The following AFG2A variants were observed in gnomAD, a reference collection of about 807,000 sequenced individuals.
AFG2A encodes the protein ATPase family gene 2 protein homolog A.
the AFG2A span, among the ~76,000 whole-genome samples, chr4:122,928,839 TCATGAGCC>T: frequency 3.3e-5 from 5 of 152,358 alleles, no homozygotes; most frequent in South Asian, 1.0e-3. Flanking sequence ...AGTTTATTTT[TCATGAGCC>T]CATGTAGTAT....
At chr4:123,125,290 G>C in the AFG2A span, among the ~76,000 whole-genome samples, 1 of 152,110 alleles carries the variant, frequency 6.6e-6, no homozygotes, top group East Asian at 1.9e-4. Context: ...TCTTCTTTCA[G>C]GGCTTCCAGA....
chr4:123,054,075 C>T, the AFG2A span, among the ~76,000 whole-genome samples: 2 of 152,142 alleles, frequency 1.3e-5, no homozygotes, highest in African/African-American at 4.8e-5. Context: ...GCTTTTCTGC[C>T]AAGGCATTAG....
the AFG2A span, among the ~76,000 whole-genome samples, chr4:123,155,748 G>A: frequency 0.15 from 22,221 of 152,114 alleles, 2,087 homozygotes; most frequent in East Asian, 0.45. Flanking sequence ...TAAGAGACTT[G>A]AACATCCTCA....
the AFG2A span, among the ~76,000 whole-genome samples, chr4:123,012,292 G>A: frequency 3.5e-5 from 5 of 144,780 alleles, no homozygotes; most frequent in South Asian, 9.1e-4. Context: ...AGGGGTGGGG[G>A]TGCTTGTCCC....
chr4:122,956,999 GCC>G, the AFG2A span, among the ~76,000 whole-genome samples: 4 of 152,184 alleles, frequency 2.6e-5, no homozygotes, highest in Non-Finnish European at 4.4e-5. Flanking sequence ...CAGGTTCTAT[GCC>G]TTATCTGAGC....
chr4:123,233,335 G>A, the AFG2A span, among the ~76,000 whole-genome samples: 5 of 151,850 alleles, frequency 3.3e-5, no homozygotes, highest in African/African-American at 1.2e-4. Flanking sequence ...GAAAGTTTGA[G>A]ATTATACAGC....
the AFG2A span, among the ~76,000 whole-genome samples, chr4:123,072,051 A>T: frequency 3.9e-5 from 6 of 152,318 alleles, no homozygotes; most frequent in South Asian, 2.1e-4. Flanking sequence ...CAAAATTTTT[A>T]AAAATTATTT....
the AFG2A span, among the ~76,000 whole-genome samples, chr4:122,937,096 G>T: frequency 6.6e-6 from 1 of 152,152 alleles, no homozygotes; most frequent in African/African-American, 2.4e-5. Context: ...GCTGTAGTGA[G>T]CCATGATTTC....
chr4:123,247,406 CT>C, the AFG2A span, among the ~76,000 whole-genome samples: 1 of 151,926 alleles, frequency 6.6e-6, no homozygotes, highest in Non-Finnish European at 1.5e-5. Flanking sequence ...TTAACAGAGC[CT>C]ATTGCTTATT....
At chr4:123,070,969 A>G in the AFG2A span, among the ~76,000 whole-genome samples, 3 of 152,212 alleles carry the variant, frequency 2.0e-5, no homozygotes, top group African/African-American at 7.2e-5. Flanking sequence ...CTGTGATATT[A>G]GGAAAATGGC....
chr4:123,289,649 C>T, the AFG2A span, among the ~76,000 whole-genome samples: 2 of 152,122 alleles, frequency 1.3e-5, no homozygotes, highest in African/African-American at 4.8e-5. Context: ...TAAGCATTCC[C>T]TTTTCTCTGC....
At chr4:123,192,714 CT>C in the AFG2A span, among the ~76,000 whole-genome samples, 1 of 152,206 alleles carries the variant, frequency 6.6e-6, no homozygotes, top group African/African-American at 2.4e-5. Context: ...TTCTCTCCCC[CT>C]GTGGCCCAGA....
At chr4:123,094,379 T>A in the AFG2A span, among the ~76,000 whole-genome samples, 1 of 152,146 alleles carries the variant, frequency 6.6e-6, no homozygotes, top group Non-Finnish European at 1.5e-5. Flanking sequence ...AGGATTTCCT[T>A]TGGCCGGGGA....
At chr4:123,122,403 G>T in the AFG2A span, among the ~76,000 whole-genome samples, 2 of 152,020 alleles carry the variant, frequency 1.3e-5, no homozygotes, top group Non-Finnish European at 2.9e-5. Context: ...GCCTTCAGTT[G>T]GGCAAAATAG....
the AFG2A span, among the ~76,000 whole-genome samples, chr4:123,163,579 T>TC: frequency 6.6e-6 from 1 of 152,186 alleles, no homozygotes; most frequent in South Asian, 2.1e-4. Context: ...TCATTTTATT[T>TC]CCCCAAATAT....
At chr4:123,227,876 T>C in the AFG2A span, among the ~76,000 whole-genome samples, 1 of 152,210 alleles carries the variant, frequency 6.6e-6, no homozygotes, top group Non-Finnish European at 1.5e-5. Context: ...AAGGACTTGC[T>C]TTGTGAATCT....
chr4:123,057,388 A>G, the AFG2A span: 15 of 1,280,920 alleles, frequency 1.2e-5, no homozygotes, highest in Non-Finnish European at 1.6e-5. Context: ...ACTTTTATCT[A>G]TTAATACATT....
the AFG2A span, among the ~76,000 whole-genome samples, chr4:123,260,547 C>G: frequency 6.6e-6 from 1 of 152,178 alleles, no homozygotes; most frequent in African/African-American, 2.4e-5. Context: ...TCTGACATCT[C>G]TTTTTCTCCC....
At chr4:122,943,505 C>T in the AFG2A span, among the ~76,000 whole-genome samples, 1 of 152,126 alleles carries the variant, frequency 6.6e-6, no homozygotes, top group African/African-American at 2.4e-5. Context: ...TCCCTCCATC[C>T]TTTTATTTTG....
Sources: allele counts gnomAD v4.1 joint callset (sites outside exome capture counted in the v4.1 genomes callset), GRCh38; gene constraint gnomAD v4.1.1; transcripts MANE v1.5; gene names NCBI Gene and HGNC (gene_info 2026-07-23, HGNC 2026-07-21).